TANGO6: variants seen among roughly 807,000 people sequenced by gnomAD.
TANGO6 encodes the protein transport and Golgi organization protein 6 homolog.
A neutral mutation model predicts 114.2 loss-of-function variants in TANGO6; 90 were observed. That is an observed-to-expected ratio of 0.79 (90% CI 0.66 to 0.94). TANGO6 has a LOEUF of 0.94. Among genes scored for constraint, TANGO6 ranks in the 40% least tolerant of loss-of-function variants. The pLI is 0.00. For synonymous variants in TANGO6, 477 were observed against 509.8 expected, an observed-to-expected ratio of 0.94 and a Z score of 0.87; for missense variants, 1,274 against 1,315.3, an observed-to-expected ratio of 0.97 and a Z score of 0.49.
intron 15 of TANGO6, among the ~76,000 whole-genome samples, chr16:68,991,199 T>C (rs1963943376): frequency 6.6e-6 from 1 of 152,192 alleles, no homozygotes; most frequent in Admixed American, 6.5e-5. Context: ...CTCTGAGAGC[T>C]GAGCAGAGGA....
At chr16:68,980,432 T>C (rs1334770235) in intron 15 of TANGO6, among the ~76,000 whole-genome samples, 1 of 100,712 alleles carries the variant, frequency 9.9e-6, no homozygotes, top group African/African-American at 4.3e-5. Context: ...TATATATATA[T>C]ATATTTTTTT....
intron 17 of TANGO6, among the ~76,000 whole-genome samples, chr16:69,048,100 T>C (rs1959890392): frequency 6.6e-6 from 1 of 151,990 alleles, no homozygotes; most frequent in Non-Finnish European, 1.5e-5. Flanking sequence ...TTTCTTTTTA[T>C]AAGACAGAGT....
intron 15 of TANGO6, among the ~76,000 whole-genome samples, chr16:68,989,747 T>C (rs1322646862): frequency 6.6e-6 from 1 of 152,200 alleles, no homozygotes; most frequent in Non-Finnish European, 1.5e-5. Flanking sequence ...AGTGTTAAAT[T>C]TTTGTTTCAA....
At chr16:68,954,963 A>C (rs1231843557) in intron 14 of TANGO6, among the ~76,000 whole-genome samples, 1 of 152,150 alleles carries the variant, frequency 6.6e-6, no homozygotes, top group Non-Finnish European at 1.5e-5. Context: ...ATAAGAAGAG[A>C]ATGTTTTTAA....
At chr16:68,853,057 A>G (rs1297557595) in intron 1 of TANGO6, among the ~76,000 whole-genome samples, 1 of 152,204 alleles carries the variant, frequency 6.6e-6, no homozygotes, top group Non-Finnish European at 1.5e-5. Flanking sequence ...AACATTAACT[A>G]GAGTTTAATA....
At chr16:69,081,118 A>G (rs1227753821) in intron 17 of TANGO6, among the ~76,000 whole-genome samples, 15 of 152,160 alleles carry the variant, frequency 9.9e-5, no homozygotes, top group African/African-American at 2.4e-5. Flanking sequence ...AGCCTGAGCG[A>G]CAGAGCACAA....
rs1250473724 is a variant in TANGO6, at chr16:68,927,877, G to T, written c.2437G>T (p.Ala813Ser). The T allele has an allele frequency of 6.2e-7, 1 of 1,613,862 alleles. No individual in the cohort carries two copies. The highest frequency in any genetic ancestry group is 1.1e-5 in the South Asian group (1 of 91,068). The change falls in exon 13 of 18, where the codon GCT (alanine) becomes TCT (serine). Residue 813 changes from alanine to serine, a missense_variant. Physicochemically the swap from Ala to Ser is moderately conservative, Grantham distance 99. This residue lies in a region of TANGO6 where 908 missense variants were observed against 910.2 expected (regional missense o/e 1.00). Transcript: ENST00000261778. The part of the protein sequence containing the change: ...TAPQTGLQSN[A>S]PIIPQGVNEP... ...CCCCCAGACAGGCCTGCAGTCAAATGCTCCAATCATTCCTCAAGGAGTCAA... is the reference window on the plus strand; with the variant it reads ...CCCCCAGACAGGCCTGCAGTCAAATTCTCCAATCATTCCTCAAGGAGTCAA...
At chr16:69,012,556 C>CAAAAAA (rs1175561720) in intron 15 of TANGO6, among the ~76,000 whole-genome samples, 16 of 36,380 alleles carry the variant, frequency 4.4e-4, no homozygotes, top group Non-Finnish European at 6.0e-4. Context: ...AACTCTGTCT[C>CAAAAAA]AAAAAAAAAA....
intron 15 of TANGO6, among the ~76,000 whole-genome samples, chr16:68,976,761 C>G (rs1404335426): frequency 6.6e-6 from 1 of 152,170 alleles, no homozygotes; most frequent in Non-Finnish European, 1.5e-5. Context: ...CGTTTTAGGG[C>G]TGTGTTCTTG....
At chr16:68,983,997 C>T (rs934504739) in intron 15 of TANGO6, among the ~76,000 whole-genome samples, 1 of 150,934 alleles carries the variant, frequency 6.6e-6, no homozygotes, top group Non-Finnish European at 1.5e-5. Context: ...CACGCCACTG[C>T]TCTCCAGCCT....
intron 17 of TANGO6, among the ~76,000 whole-genome samples, chr16:69,055,304 G>C (rs1960016188): frequency 2.0e-5 from 3 of 152,306 alleles, no homozygotes; most frequent in South Asian, 4.1e-4. Flanking sequence ...GATAGAGCTG[G>C]GGGGTCAGCG....
At chr16:68,889,963 A>G (rs1008598704) in intron 7 of TANGO6, among the ~76,000 whole-genome samples, 8 of 152,232 alleles carry the variant, frequency 5.3e-5, no homozygotes, top group African/African-American at 1.9e-4. Context: ...TACTTGCTAT[A>G]TTAGGTAACT....
chr16:69,034,072 T>C (rs1310850251), intron 16 of TANGO6: 1 of 153,144 alleles, frequency 6.5e-6, no homozygotes, highest in Admixed American at 6.5e-5. Context: ...GTTTAAGTGT[T>C]AAGTGCTCCA....
intron 11 of TANGO6, among the ~76,000 whole-genome samples, chr16:68,917,481 A>G (rs1440893776): frequency 6.6e-6 from 1 of 152,192 alleles, no homozygotes; most frequent in East Asian, 1.9e-4. Flanking sequence ...AAACTGCCAA[A>G]CTGTCTGCCT....
At chr16:68,959,634 A>G (rs1309562463) in intron 14 of TANGO6, among the ~76,000 whole-genome samples, 1 of 152,198 alleles carries the variant, frequency 6.6e-6, no homozygotes, top group East Asian at 1.9e-4. Context: ...AAAATGGAGA[A>G]CTGAGGAAGA....
intron 14 of TANGO6, among the ~76,000 whole-genome samples, chr16:68,955,840 T>C (rs1318086389): frequency 6.6e-6 from 1 of 152,088 alleles, no homozygotes; most frequent in Non-Finnish European, 1.5e-5. Flanking sequence ...AATAATGAGA[T>C]AACTCAGCTA....
rs1341669122 is a variant in TANGO6, at chr16:68,927,737, C to A, written c.2297C>A (p.Thr766Lys). ...GCCGTCAGCATGGCTGCCCAAAGTACACTGAACAGAAAAGATCTGGAAGGG... is the reference window on the plus strand; with the variant it reads ...GCCGTCAGCATGGCTGCCCAAAGTAAACTGAACAGAAAAGATCTGGAAGGG... ...TEAVSMAAQSTLNRKDLEGKI... is the reference protein window; with the variant it reads ...TEAVSMAAQSKLNRKDLEGKI... Residue 766 changes from threonine to lysine, a missense_variant, in exon 13 of 18, where the codon ACA (threonine) becomes AAA (lysine). Around this residue, in one of 5 missense-constraint regions of TANGO6, gnomAD observed 908 missense variants for 910.2 expected, o/e 1.00. Transcript: ENST00000261778. The A allele has an allele frequency of 6.2e-7, 1 of 1,613,848 alleles. No homozygotes were observed. The highest frequency in any genetic ancestry group is 1.3e-5 in the African/African-American group (1 of 74,912).
chr16:68,919,242 G>A, intron 12 of TANGO6, 23 bp downstream of exon 12: 1 of 1,608,682 alleles, frequency 6.2e-7, no homozygotes, highest in Non-Finnish European at 8.5e-7. Flanking sequence ...CATGAGGCAA[G>A]CTTGAATGGA....
Position 69,054,069 on chromosome 16 carries a change from GA to G in TANGO6, c.3108+13658del, listed in dbSNP as rs897406783. ...AACAGAGCAAGACTCTGTCTCAAAA[GA>G]AAAAAAAAAGAATCTTGGTCTCCCA... is the stretch of plus-strand genomic sequence containing the variant. On this transcript the variant is annotated intron_variant, in intron 17 of 17. Coordinates refer to ENST00000261778, the MANE Select transcript of TANGO6 (RefSeq NM_024562.2). 1.8e-4 allele frequency among the ~76,000 whole-genome samples: 27 copies of G among 147,786 alleles called. No homozygotes were observed. In the East Asian group the frequency reaches 2.2e-3, roughly 12 times the overall value.
Sources: gnomAD v4.1 joint callset for allele counts (sites outside exome capture counted in the v4.1 genomes callset) on GRCh38, gnomAD v4.1.1 for gene constraint, gnomAD v4.1.1 regional missense constraint, MANE v1.5 for transcripts, NCBI Gene and HGNC (gene_info 2026-07-23, HGNC 2026-07-21) for gene names.